The following ARFIP1 variants were observed in gnomAD, a reference collection of about 807,000 sequenced individuals.
ARFIP1 encodes the protein ARF interacting protein 1.
A neutral mutation model predicts 42.5 loss-of-function variants in ARFIP1; 24 were observed. The observed-to-expected ratio is 0.57, with a 90% confidence interval of 0.41 to 0.80. The LOEUF (loss-of-function observed/expected upper bound fraction) is 0.80, where lower values mean the gene tolerates loss of function less well. ARFIP1 is among the 30% of genes least tolerant of loss of function. ARFIP1 has a pLI of 0.00. For synonymous variants in ARFIP1, 141 were observed against 153.7 expected (o/e 0.92, Z 0.61); for missense variants, 354 against 434.0 (o/e 0.82, Z 1.64).
chr4:152,831,227 T>C (rs1731217987), intron 2 of ARFIP1, among the ~76,000 whole-genome samples: 1 of 152,230 alleles, frequency 6.6e-6, no homozygotes, highest in South Asian at 2.1e-4. Flanking sequence ...TGGTAACAGC[T>C]CTTTTTGCAA....
chr4:152,853,648 A>G (rs1237628294), intron 2 of ARFIP1, among the ~76,000 whole-genome samples: 1 of 152,070 alleles, frequency 6.6e-6, no homozygotes, highest in Non-Finnish European at 1.5e-5. Context: ...TTTGTATTGT[A>G]TCAGTTTGGT....
intron 1 of ARFIP1, among the ~76,000 whole-genome samples, chr4:152,793,307 C>T (rs909408673): frequency 2.3e-4 from 21 of 92,518 alleles, no homozygotes; most frequent in African/African-American, 6.5e-4. Flanking sequence ...AGCGAAACTC[C>T]GTCTCAAAAA....
Position 152,872,511 on chromosome 4 carries a change from C to G in ARFIP1, c.358C>G (p.Pro120Ala). 2 of 1,611,550 alleles carry G rather than the reference C, an allele frequency of 1.2e-6. No homozygotes were observed. Among genetic ancestry groups the G allele is most frequent in the Non-Finnish European group, 1.7e-6 (2 of 1,178,880 alleles). The change falls in exon 5 of 9, where the codon CCT becomes GCT. Residue 120 changes from proline to alanine, a missense_variant. Physicochemically the swap from Pro to Ala is conservative, Grantham distance 27 (BLOSUM62 -1). Coordinates refer to ENST00000353617, the MANE Select transcript of ARFIP1 (RefSeq NM_001025595.3). ...TATTCTAGCAGATGAAATTAAAAAT[C>G]CTGCAATGGAAAAGTTAGAACTTGT... ...PVILADEIKN[P>A]AMEKLELVRK...
At chr4:152,787,509 A>C (rs1730879078) in intron 1 of ARFIP1, among the ~76,000 whole-genome samples, 1 of 152,248 alleles carries the variant, frequency 6.6e-6, no homozygotes, top group African/African-American at 2.4e-5. Flanking sequence ...CATGCCCGCA[A>C]AGGGCAATAC....
chr4:152,875,378 TAA>T (rs11302481), intron 5 of ARFIP1, among the ~76,000 whole-genome samples: 2,047 of 100,100 alleles, frequency 0.02, 38 homozygotes, highest in African/African-American at 0.053. Flanking sequence ...TCTTTTTTTA[TAA>T]AAAAAAAAAA....
In ARFIP1 at chr4:152,829,734, C is replaced by T; in HGVS notation, c.93+8C>T. ...GAACATAGCTTTAATAGGGTAAGAA[C>T]ACTTTTCTTTCTCTTAATGCAAAGA... On this transcript the variant is annotated splice_region_variant and intron_variant, in intron 2 of 8. Transcript: ENST00000353617. 1 of 1,570,872 alleles carries T rather than the reference C, an allele frequency of 6.4e-7. No individual in the cohort carries two copies. The highest frequency in any genetic ancestry group is 8.7e-7 in the Non-Finnish European group (1 of 1,154,180).
In ARFIP1 at chr4:152,839,541, T is replaced by G. The variant is rs140086656; in HGVS notation, c.93+9815T>G. ...ATTTTTCCAGAAATGTATCCACCTC[T>G]TCTAGATTTTCTAGTTTATGTGTGT... is the stretch of plus-strand genomic sequence containing the variant. On this transcript the variant is annotated intron_variant, in intron 2 of 8. Coordinates refer to ENST00000353617, the MANE Select transcript of ARFIP1 (RefSeq NM_001025595.3). Among the ~76,000 whole-genome samples the G allele has an allele frequency of 1.4e-4, 21 of 152,320 alleles. No individual in the cohort carries two copies. The East Asian group carries it at 4.1e-3, about 29-fold the overall frequency.
At chr4:152,833,757 T>A (rs1731428933) in intron 2 of ARFIP1, among the ~76,000 whole-genome samples, 2 of 152,214 alleles carry the variant, frequency 1.3e-5, no homozygotes, top group African/African-American at 4.8e-5. Flanking sequence ...GATATTAGGC[T>A]AAGTACAATA....
At chr4:152,851,820 GTATTACCAT>G (rs992236435) in intron 2 of ARFIP1, among the ~76,000 whole-genome samples, 12 of 152,166 alleles carry the variant, frequency 7.9e-5, no homozygotes, top group African/African-American at 2.9e-4. Flanking sequence ...CAGTTCAAAA[GTATTACCAT>G]GCTAAATTTT....
intron 1 of ARFIP1, among the ~76,000 whole-genome samples, chr4:152,800,343 G>A (rs539531754): frequency 1.0e-3 from 155 of 152,168 alleles, no homozygotes; most frequent in Middle Eastern, 3.4e-3. Context: ...ATATCATCTC[G>A]TTTAATGCTA....
intron 8 of ARFIP1, among the ~76,000 whole-genome samples, chr4:152,906,895 A>C (rs1254888488): frequency 1.3e-5 from 2 of 152,128 alleles, no homozygotes; most frequent in East Asian, 1.9e-4. Context: ...CTCTGTGTGG[A>C]ATGTTTTTCT....
At chr4:152,823,776 C>CAA (rs66556811) in intron 1 of ARFIP1, among the ~76,000 whole-genome samples, 9 of 63,140 alleles carry the variant, frequency 1.4e-4, no homozygotes, top group East Asian at 9.1e-4. Flanking sequence ...GTCTCCATCT[C>CAA]AAAAAAAAAA....
intron 1 of ARFIP1, among the ~76,000 whole-genome samples, chr4:152,815,232 A>G (rs1478661312): frequency 6.6e-6 from 1 of 152,018 alleles, no homozygotes; most frequent in Non-Finnish European, 1.5e-5. Flanking sequence ...GGCCAAATCC[A>G]TGCTCATTCA....
intron 5 of ARFIP1, among the ~76,000 whole-genome samples, chr4:152,876,324 A>G (rs1735326818): frequency 6.6e-6 from 1 of 152,162 alleles, no homozygotes; most frequent in Admixed American, 6.6e-5. Context: ...CAGGCTGAAT[A>G]ACTTATTGGG....
intron 5 of ARFIP1, among the ~76,000 whole-genome samples, chr4:152,873,076 C>T (rs966167509): frequency 2.0e-5 from 3 of 152,012 alleles, no homozygotes; most frequent in Non-Finnish European, 4.4e-5. Context: ...TTTCTTATGC[C>T]CTCCATAAAA....
chr4:152,795,673 C>G (rs1348997273), intron 1 of ARFIP1, among the ~76,000 whole-genome samples: 1 of 151,966 alleles, frequency 6.6e-6, no homozygotes, highest in South Asian at 2.1e-4. Context: ...TGCCTGTTTC[C>G]CTTACATCCT....
At chr4:152,843,095 T>C (rs1431730790) in intron 2 of ARFIP1, among the ~76,000 whole-genome samples, 1 of 152,200 alleles carries the variant, frequency 6.6e-6, no homozygotes, top group Non-Finnish European at 1.5e-5. Flanking sequence ...CAGATTTTTT[T>C]TGTCCTATGG....
In ARFIP1 at chr4:152,911,502, T is replaced by C. The variant is rs1159253206; in HGVS notation, c.*1283T>C. 6.6e-6 allele frequency: 1 copy of C among 152,438 alleles called. No individual in the cohort carries two copies. The highest frequency in any genetic ancestry group is 6.5e-5 in the Admixed American group (1 of 15,282). The allele number at this position is 152,438 out of a possible 1,614,324, so 9.4% of individuals were successfully genotyped here. A position where few individuals can be genotyped will look rare whatever the true frequency, so the allele number is the denominator to read the frequency against. On this transcript the variant is annotated 3_prime_UTR_variant, in exon 9 of 9. Transcript: ENST00000353617. Reference sequence around the variant, plus strand: ...TGTGGTTGCCCTGTCCACTACATGGTTCTATCAGTAGTGTAATCCATTTTC... The same window carrying C: ...TGTGGTTGCCCTGTCCACTACATGGCTCTATCAGTAGTGTAATCCATTTTC...
intron 3 of ARFIP1, among the ~76,000 whole-genome samples, chr4:152,868,047 A>G (rs1465038172): frequency 1.3e-5 from 2 of 152,260 alleles, no homozygotes; most frequent in African/African-American, 4.8e-5. Flanking sequence ...AGCTCTCTGG[A>G]AAGATGACTA....
Sources: allele counts gnomAD v4.1 joint callset (sites outside exome capture counted in the v4.1 genomes callset), GRCh38; gene constraint gnomAD v4.1.1; transcripts MANE v1.5; gene names NCBI Gene and HGNC (gene_info 2026-07-23, HGNC 2026-07-21).